MAP2: variants seen among roughly 807,000 people sequenced by gnomAD.
MAP2 encodes the protein microtubule-associated protein 2.
A neutral mutation model predicts 137.6 loss-of-function variants in MAP2; 14 were observed. That is an observed-to-expected ratio of 0.10 (90% confidence interval 0.07 to 0.16). The LOEUF (loss-of-function observed/expected upper bound fraction) is 0.16, where lower values mean the gene tolerates loss of function less well. Among genes scored for constraint, MAP2 ranks in the 10% least tolerant of loss-of-function variants. The pLI is 1.00. For missense variants in MAP2, 2,088 were observed against 2,191.5 expected (o/e 0.95, Z 0.94); for synonymous variants, 786 against 782.3 (o/e 1.00, Z -0.08).
intron 2 of MAP2, among the ~76,000 whole-genome samples, chr2:209,526,642 A>C (rs1173770671): frequency 6.7e-6 from 1 of 148,834 alleles, no homozygotes; most frequent in African/African-American, 2.5e-5. Flanking sequence ...ATTGAAAACT[A>C]ACCAAACAGT....
chr2:209,502,258 C>T (rs1160876713), intron 1 of MAP2, among the ~76,000 whole-genome samples: 2 of 152,144 alleles, frequency 1.3e-5, no homozygotes, highest in African/African-American at 4.8e-5. Flanking sequence ...TTTCGCCAAC[C>T]TCCCCACCTC....
At chr2:209,598,070 A>G (rs2081818104) in intron 3 of MAP2, among the ~76,000 whole-genome samples, 1 of 151,972 alleles carries the variant, frequency 6.6e-6, no homozygotes, top group African/African-American at 2.4e-5. Flanking sequence ...TAGTGGCGCA[A>G]CCTTGGCTCA....
Position 209,700,308 on chromosome 2 carries a change from T to C in MAP2, c.4554T>C (p.Ser1518=), listed in dbSNP as rs2061438483. The C allele has an allele frequency of 6.2e-7, 1 of 1,613,740 alleles. No individual in the cohort carries two copies. The highest frequency in any genetic ancestry group is 8.5e-7 in the Non-Finnish European group (1 of 1,179,738). The part of the protein sequence containing the change: ...AAGGESALAP[S]VFKQAKDKVS... ...GTGGGGAATCAGCTCTGGCTCCCAG[T>C]GTATTTAAACAGGCAAAGGACAAAG... The change falls in exon 11 of 16, where the codon AGT becomes AGC. Residue 1518 remains serine, a synonymous_variant. Coordinates refer to ENST00000682079, the MANE Select transcript of MAP2 (RefSeq NM_001375505.1).
At chr2:209,529,866 T>C (rs2064821826) in intron 2 of MAP2, among the ~76,000 whole-genome samples, 1 of 152,166 alleles carries the variant, frequency 6.6e-6, no homozygotes, top group Non-Finnish European at 1.5e-5. Flanking sequence ...TAGCCCAACA[T>C]TTTGTTCTTT....
intron 2 of MAP2, among the ~76,000 whole-genome samples, chr2:209,556,043 T>C (rs2070526896): frequency 9.6e-6 from 1 of 104,630 alleles, no homozygotes; most frequent in Non-Finnish European, 1.8e-5. Context: ...TTTTCTTTTC[T>C]TTTTTTTTTT....
intron 4 of MAP2, among the ~76,000 whole-genome samples, chr2:209,637,492 A>G (rs2153566967): frequency 6.6e-6 from 1 of 152,158 alleles, no homozygotes; most frequent in South Asian, 2.1e-4. Context: ...AAATAAAATA[A>G]GGTAAGATGA....
At chr2:209,668,830 G>T (rs1196418836) in intron 5 of MAP2, among the ~76,000 whole-genome samples, 1 of 152,010 alleles carries the variant, frequency 6.6e-6, no homozygotes, top group Non-Finnish European at 1.5e-5. Context: ...TAGTAGGATG[G>T]TTCAAATTTA....
intron 1 of MAP2, among the ~76,000 whole-genome samples, chr2:209,503,686 A>G (rs1232909919): frequency 6.6e-6 from 1 of 152,164 alleles, no homozygotes; most frequent in Non-Finnish European, 1.5e-5. Context: ...GAAGTAATGT[A>G]AGACAAGGAT....
At chr2:209,723,206 G>A (rs1192355961) in intron 13 of MAP2, among the ~76,000 whole-genome samples, 1 of 152,084 alleles carries the variant, frequency 6.6e-6, no homozygotes, top group Non-Finnish European at 1.5e-5. Context: ...TATCCTCTAG[G>A]GTCCTGTGCT....
chr2:209,485,238 T>A (rs527732370), intron 1 of MAP2, among the ~76,000 whole-genome samples: 2 of 152,344 alleles, frequency 1.3e-5, no homozygotes, highest in East Asian at 3.9e-4. Context: ...CAAAGCTTAT[T>A]TCCCTCTCTG....
intron 1 of MAP2, among the ~76,000 whole-genome samples, chr2:209,460,989 T>C (rs1182725845): frequency 6.6e-6 from 1 of 152,132 alleles, no homozygotes; most frequent in Non-Finnish European, 1.5e-5. Flanking sequence ...CCTCAAGTGA[T>C]CCACCTACCT....
Position 209,505,090 on chromosome 2 carries a change from T to A in MAP2, c.-221-2502T>A, listed in dbSNP as rs79930332. Among the ~76,000 whole-genome samples, 976 of 152,288 alleles carry A rather than the reference T, an allele frequency of 6.4e-3. 12 individuals are homozygous for A. The highest frequency in any genetic ancestry group is 0.022 in the African/African-American group (930 of 41,568). On this transcript the variant is annotated intron_variant, in intron 1 of 15. Transcript: ENST00000682079. ...TAGTATTTTTATTTTAAATTTCTCATACTTTCTCTTTAAATTTGTGGAGCA... is the reference window on the plus strand; with the variant it reads ...TAGTATTTTTATTTTAAATTTCTCAAACTTTCTCTTTAAATTTGTGGAGCA...
intron 2 of MAP2, among the ~76,000 whole-genome samples, chr2:209,547,398 C>A (rs2068298397): frequency 6.6e-6 from 1 of 152,020 alleles, no homozygotes; most frequent in African/African-American, 2.4e-5. Flanking sequence ...TTTTTAAGTT[C>A]CTCACAAGTT....
chr2:209,690,785 A>G, intron 7 of MAP2: 1 of 1,289,768 alleles, frequency 7.8e-7, no homozygotes, highest in Non-Finnish European at 1.0e-6. Flanking sequence ...CCCACATGAG[A>G]AAAGTGTAAA....
At chr2:209,706,691 A>C (rs1330437031) in intron 12 of MAP2, among the ~76,000 whole-genome samples, 2 of 152,094 alleles carry the variant, frequency 1.3e-5, no homozygotes, top group African/African-American at 2.4e-5. Flanking sequence ...AATTATTTGG[A>C]GAAGAGTATC....
At chr2:209,506,746 G>A (rs1481269438) in intron 1 of MAP2, among the ~76,000 whole-genome samples, 1 of 152,126 alleles carries the variant, frequency 6.6e-6, no homozygotes, top group East Asian at 1.9e-4. Flanking sequence ...TTTACCACTG[G>A]AATTGTCTTA....
In MAP2 at chr2:209,429,650, G is replaced by A. The variant is rs546740397; in HGVS notation, c.-222+5374G>A. On this transcript the variant is annotated intron_variant, in intron 1 of 15. Transcript: ENST00000682079. ...CTTGAATATCATGAGATATTTCATCGCTTAACTGTCTAGGTCCTTTACAGT... is the reference window on the plus strand; with the variant it reads ...CTTGAATATCATGAGATATTTCATCACTTAACTGTCTAGGTCCTTTACAGT... Among the ~76,000 whole-genome samples, 7 of 152,104 alleles carry A rather than the reference G, an allele frequency of 4.6e-5. No homozygotes were observed. In the East Asian group the frequency reaches 9.7e-4, roughly 21 times the overall value.
At chr2:209,459,433 C>G (rs1284561393) in intron 1 of MAP2, among the ~76,000 whole-genome samples, 1 of 151,990 alleles carries the variant, frequency 6.6e-6, no homozygotes, top group East Asian at 1.9e-4. Flanking sequence ...CACTAGATAC[C>G]CCCTTAAAAT....
At chr2:209,461,978 C>T (rs1223980746) in intron 1 of MAP2, among the ~76,000 whole-genome samples, 1 of 152,140 alleles carries the variant, frequency 6.6e-6, no homozygotes, top group Non-Finnish European at 1.5e-5. Flanking sequence ...CCTTTACTCT[C>T]TGGTTTAGAT....
Sources: gnomAD v4.1 joint callset for allele counts (sites outside exome capture counted in the v4.1 genomes callset) on GRCh38, gnomAD v4.1.1 for gene constraint, MANE v1.5 for transcripts, NCBI Gene and HGNC (gene_info 2026-07-23, HGNC 2026-07-21) for gene names.